Variants in RAB6A observed in about 807,000 individuals in gnomAD.
RAB6A encodes ras-related protein Rab-6A.
In RAB6A, 8 loss-of-function variants were observed where a neutral mutation model predicts 32.3. The observed-to-expected ratio is 0.25, with a 90% CI of 0.15 to 0.45. The LOEUF (loss-of-function observed/expected upper bound fraction) is 0.45. Among genes scored for constraint, RAB6A ranks in the 20% least tolerant of loss-of-function variants. RAB6A has a pLI of 1.00. For synonymous variants in RAB6A, 73 were observed against 82.1 expected (o/e 0.89, Z 0.60); for missense variants, 104 against 249.4 (o/e 0.42, Z 3.93).
chr11:73,690,555 CTT>C (rs60543922), intron 6 of RAB6A, among the ~76,000 whole-genome samples: 97 of 147,416 alleles, frequency 6.6e-4, no homozygotes, highest in Admixed American at 7.4e-4. Context: ...CCAGCTAATT[CTT>C]TTTTTTTTTT....
intron 1 of RAB6A, among the ~76,000 whole-genome samples, chr11:73,753,567 C>A (rs1036586715): frequency 2.0e-5 from 3 of 151,544 alleles, no homozygotes; most frequent in African/African-American, 7.2e-5. Flanking sequence ...AAAAATTAGC[C>A]GGGCATGGTG....
intron 1 of RAB6A, among the ~76,000 whole-genome samples, chr11:73,737,994 C>CAAAAA (rs57456237): frequency 4.0e-5 from 4 of 99,718 alleles, no homozygotes; most frequent in African/African-American, 1.2e-4. Flanking sequence ...GACTCCATCT[C>CAAAAA]AAAAAAAAAA....
At chr11:73,709,880 CATATATACAT>C (rs1039490389) in intron 5 of RAB6A, among the ~76,000 whole-genome samples, 1 of 145,242 alleles carries the variant, frequency 6.9e-6, no homozygotes. Context: ...CATATACATA[CATATATACAT>C]ATATATACAC....
intron 5 of RAB6A, among the ~76,000 whole-genome samples, chr11:73,709,852 C>CATATATACAT (rs1220305021): frequency 6.5e-5 from 3 of 45,882 alleles, no homozygotes; most frequent in East Asian, 9.6e-4. Flanking sequence ...CATATATATA[C>CATATATACAT]ATATATACAT....
chr11:73,755,490 G>A (rs1170731929), intron 1 of RAB6A, among the ~76,000 whole-genome samples: 1 of 151,670 alleles, frequency 6.6e-6, no homozygotes, highest in African/African-American at 2.4e-5. Flanking sequence ...ACGGGGTTTC[G>A]CCATGTTGCC....
At chr11:73,678,198 A>G (rs1945296019) in intron 7 of RAB6A, among the ~76,000 whole-genome samples, 1 of 152,250 alleles carries the variant, frequency 6.6e-6, no homozygotes, top group South Asian at 2.1e-4. Context: ...TATCTATCCT[A>G]AGGAACTTAT....
At chr11:73,706,908 A>G (rs1945855046) in intron 6 of RAB6A, among the ~76,000 whole-genome samples, 1 of 152,112 alleles carries the variant, frequency 6.6e-6, no homozygotes, top group African/African-American at 2.4e-5. Flanking sequence ...ACCTGAGGTC[A>G]GGAGTTTGAG....
chr11:73,685,988 A>T (rs1225964166), intron 6 of RAB6A, among the ~76,000 whole-genome samples: 1 of 151,948 alleles, frequency 6.6e-6, no homozygotes, highest in Non-Finnish European at 1.5e-5. Context: ...GGAACAGAGA[A>T]TTTTGCCAAA....
At chr11:73,687,167 T>C (rs1384675897) in intron 6 of RAB6A, among the ~76,000 whole-genome samples, 2 of 152,056 alleles carry the variant, frequency 1.3e-5, no homozygotes, top group African/African-American at 4.8e-5. Flanking sequence ...ATGAGATACC[T>C]AGAGTAATCA....
chr11:73,710,430 A>C (rs879854590), intron 5 of RAB6A, among the ~76,000 whole-genome samples: 24 of 151,598 alleles, frequency 1.6e-4, no homozygotes, highest in Non-Finnish European at 2.8e-4. Flanking sequence ...CATCACCAAC[A>C]TGTTTACTAA....
intron 6 of RAB6A, among the ~76,000 whole-genome samples, chr11:73,700,964 C>T (rs1364011658): frequency 1.3e-5 from 2 of 152,096 alleles, no homozygotes; most frequent in African/African-American, 2.4e-5. Context: ...GTGCTACAGC[C>T]TAGTCACTTG....
chr11:73,714,481 G>A (rs924242288), intron 5 of RAB6A, among the ~76,000 whole-genome samples: 4 of 151,534 alleles, frequency 2.6e-5, no homozygotes, highest in Non-Finnish European at 5.9e-5. Flanking sequence ...CCAACATAGT[G>A]AAACCTCGTC....
At chr11:73,746,894 G>A (rs1022017426) in intron 1 of RAB6A, among the ~76,000 whole-genome samples, 1 of 152,116 alleles carries the variant, frequency 6.6e-6, no homozygotes, top group Non-Finnish European at 1.5e-5. Flanking sequence ...ATTTCCTCAC[G>A]GTAAAATCAG....
At chr11:73,684,520 A>G (rs938993185) in intron 6 of RAB6A, among the ~76,000 whole-genome samples, 7 of 152,238 alleles carry the variant, frequency 4.6e-5, no homozygotes, top group African/African-American at 1.7e-4. Flanking sequence ...AGTACAGTAT[A>G]GTATAAACAT....
chr11:73,726,580 T>TAAAAA (rs1565367262), intron 2 of RAB6A, among the ~76,000 whole-genome samples: 5 of 4,614 alleles, frequency 1.1e-3, no homozygotes, highest in South Asian at 4.5e-3. Context: ...AGACTCTGTC[T>TAAAAA]CAAAAAAAAA....
chr11:73,750,694 A>G (rs948616045), intron 1 of RAB6A, among the ~76,000 whole-genome samples: 3 of 152,090 alleles, frequency 2.0e-5, no homozygotes, highest in Non-Finnish European at 4.4e-5. Flanking sequence ...ATTCCATTGT[A>G]TGCATGTGTC....
At chr11:73,715,072 T>C (rs911711006) in intron 5 of RAB6A, among the ~76,000 whole-genome samples, 25 of 152,216 alleles carry the variant, frequency 1.6e-4, no homozygotes, top group Admixed American at 9.2e-4. Context: ...AAAGAAAAGA[T>C]GCAATCACTT....
In RAB6A at chr11:73,677,775, T is replaced by G; in HGVS notation, c.*123A>C. 1.3e-6 allele frequency: 2 copies of G among 1,547,308 alleles called. No homozygotes were observed. The highest frequency in any genetic ancestry group is 1.8e-6 in the Non-Finnish European group (2 of 1,131,866). On this transcript the variant is annotated 3_prime_UTR_variant, in exon 8 of 8. Coordinates refer to ENST00000336083, the MANE Select transcript of RAB6A (RefSeq NM_198896.2). ...ATCTCCACGAGACAGGCAGCAATGATGAATTGCAATACGTTATTACTGAAG... is the reference window on the plus strand; with the variant it reads ...ATCTCCACGAGACAGGCAGCAATGAGGAATTGCAATACGTTATTACTGAAG...
At chr11:73,720,420 G>T (rs1447258591) in intron 3 of RAB6A, among the ~76,000 whole-genome samples, 1 of 151,970 alleles carries the variant, frequency 6.6e-6, no homozygotes, top group African/African-American at 2.4e-5. Context: ...GACCTCAGAT[G>T]ATCCACCTGC....
Sources: allele counts gnomAD v4.1 joint callset (sites outside exome capture counted in the v4.1 genomes callset), GRCh38; gene constraint gnomAD v4.1.1; transcripts MANE v1.5; gene names NCBI Gene and HGNC (gene_info 2026-07-23, HGNC 2026-07-21).